Variants in CPNE2 observed in about 807,000 individuals in gnomAD.
CPNE2 encodes copine-2.
CPNE2 carries 42 observed loss-of-function variants against 69.7 expected under a neutral mutation model. The ratio of observed to expected loss-of-function variants is 0.60; its 90% CI spans 0.47 to 0.78. The LOEUF is 0.78. Among genes scored for constraint, CPNE2 ranks in the 30% least tolerant of loss-of-function variants. CPNE2 has a pLI of 0.00. For synonymous variants in CPNE2, 294 were observed against 289.8 expected (o/e 1.01, Z -0.15); for missense variants, 587 against 732.0 (o/e 0.80, Z 2.29).
At chr16:57,094,074 C>T (rs778148063) in intron 1 of CPNE2, 10 of 456,614 alleles carry the variant, frequency 2.2e-5, no homozygotes, top group Non-Finnish European at 3.5e-5. Flanking sequence ...TATGGCATTC[C>T]GCCTGGCATA....
chr16:57,128,868 T>C (rs1374075125), intron 12 of CPNE2, among the ~76,000 whole-genome samples: 2 of 152,220 alleles, frequency 1.3e-5, no homozygotes, highest in African/African-American at 4.8e-5. Context: ...TTTTTTGTTT[T>C]CTGTTTCTGA....
intron 1 of CPNE2, among the ~76,000 whole-genome samples, chr16:57,096,799 G>A (rs971919302): frequency 6.6e-6 from 1 of 151,956 alleles, no homozygotes; most frequent in Non-Finnish European, 1.5e-5. Flanking sequence ...GTGTTTTAGA[G>A]AGGGGACAGC....
chr16:57,123,538 G>T, intron 10 of CPNE2, 65 bp downstream of exon 10: 1 of 1,542,544 alleles, frequency 6.5e-7, no homozygotes, highest in Admixed American at 1.7e-5. Flanking sequence ...CTGAAGACTT[G>T]GGCCACTAGT....
At chr16:57,093,282 T>G (rs1439314344) in intron 1 of CPNE2, among the ~76,000 whole-genome samples, 2 of 145,752 alleles carry the variant, frequency 1.4e-5, no homozygotes, top group African/African-American at 5.0e-5. Context: ...GCCCCGGTAC[T>G]GGGAGCGCAG....
chr16:57,114,496 G>A (rs1426807344), intron 3 of CPNE2, among the ~76,000 whole-genome samples: 2 of 152,186 alleles, frequency 1.3e-5, no homozygotes, highest in Admixed American at 6.5e-5. Flanking sequence ...CCCCCAACTG[G>A]CTGAACCTCT....
chr16:57,098,276 C>G (rs1281997507), intron 1 of CPNE2, among the ~76,000 whole-genome samples: 3 of 152,228 alleles, frequency 2.0e-5, no homozygotes, highest in Non-Finnish European at 4.4e-5. Context: ...TATTTATCCC[C>G]GTAATGGCCT....
At chr16:57,143,611 T>C (rs2069937669) in intron 14 of CPNE2, 1 of 152,514 alleles carries the variant, frequency 6.6e-6, no homozygotes, top group Admixed American at 6.5e-5. Flanking sequence ...ATCACCTCTC[T>C]GAGCTCCACT....
chr16:57,115,727 T>TG (rs2069714368), intron 4 of CPNE2, among the ~76,000 whole-genome samples, 177 bp downstream of exon 4: 2 of 152,184 alleles, frequency 1.3e-5, no homozygotes, highest in Admixed American at 6.5e-5. Context: ...AATGATGCAG[T>TG]GGGGGCTGAC....
chr16:57,103,715 GC>G (rs1389540021), intron 1 of CPNE2, among the ~76,000 whole-genome samples: 1 of 152,066 alleles, frequency 6.6e-6, no homozygotes, highest in African/African-American at 2.4e-5. Context: ...CCCCCACCCA[GC>G]CGGCCCAGCA....
chr16:57,113,335 C>T lies in CPNE2; in HGVS notation c.228C>T (p.Ser76=). 2 of 1,614,202 alleles carry T rather than the reference C, an allele frequency of 1.2e-6. No homozygotes were observed. The highest frequency in any genetic ancestry group is 1.7e-6 in the Non-Finnish European group (2 of 1,180,028). ...TCAACAACCTCAACCCCGCCTTCTC[C>T]AAGAAGTTCGTGCTTGACTACCACT... The part of the protein sequence containing the change: ...TAINNLNPAF[S]KKFVLDYHFE... Residue 76 remains serine, a synonymous_variant, in exon 3 of 16, where the codon TCC becomes TCT. Transcript: ENST00000290776.
In CPNE2 at chr16:57,146,270, G is replaced by A. The variant is rs1394715428; in HGVS notation, c.1488G>A (p.Glu496=). The part of the protein sequence containing the change: ...DSRMLRSHTG[E]EAARDIVQFV... ...GCATGCTGCGCTCCCACACGGGGGAGGAGGCAGCCCGCGATATTGTGCAGT... is the reference window on the plus strand; with the variant it reads ...GCATGCTGCGCTCCCACACGGGGGAAGAGGCAGCCCGCGATATTGTGCAGT... The change falls in exon 15 of 16, where the codon GAG becomes GAA. Residue 496 remains glutamate, a synonymous_variant. Transcript: ENST00000290776. The surrounding 1 kb of genome is among the most constrained non-coding windows in gnomAD (Gnocchi z 4.4). 3.2e-6 allele frequency: 5 copies of A among 1,556,580 alleles called. No individual in the cohort carries two copies. Among genetic ancestry groups the A allele is most frequent in the African/African-American group, 1.4e-5 (1 of 73,352 alleles).
intron 14 of CPNE2, among the ~76,000 whole-genome samples, chr16:57,138,697 A>C (rs1182152840): frequency 6.6e-6 from 1 of 151,898 alleles, no homozygotes; most frequent in East Asian, 1.9e-4. Flanking sequence ...TTCCTGGCTG[A>C]CCCTGATGAT....
chr16:57,142,281 G>A (rs2069927876), intron 14 of CPNE2: 2 of 152,360 alleles, frequency 1.3e-5, no homozygotes, highest in African/African-American at 4.8e-5. Context: ...GGAGGGCTCA[G>A]GAAAGGCTTT....
chr16:57,117,144 G>A (rs1215209692), intron 4 of CPNE2, among the ~76,000 whole-genome samples: 5 of 152,082 alleles, frequency 3.3e-5, no homozygotes, highest in African/African-American at 1.2e-4. Context: ...GGCTGCCGCA[G>A]GGGCAGGAGA....
chr16:57,125,095 G>C (rs917585774), intron 10 of CPNE2: 1 of 327,092 alleles, frequency 3.1e-6, no homozygotes, highest in East Asian at 7.7e-5. Flanking sequence ...TCTTCCCCGG[G>C]GTCCTACTTC....
chr16:57,097,072 A>G (rs573785131), intron 1 of CPNE2, among the ~76,000 whole-genome samples: 2 of 152,180 alleles, frequency 1.3e-5, no homozygotes, highest in African/African-American at 2.4e-5. Context: ...GGCACCAGCT[A>G]TGGCTGGGAT....
intron 1 of CPNE2, among the ~76,000 whole-genome samples, chr16:57,106,433 C>T (rs967941435): frequency 6.6e-6 from 1 of 151,974 alleles, no homozygotes; most frequent in South Asian, 2.1e-4. Context: ...GGCAGAGGGG[C>T]GGGGGTAGGG....
chr16:57,141,899 G>A (rs1167708593), intron 14 of CPNE2: 1 of 152,232 alleles, frequency 6.6e-6, no homozygotes, highest in African/African-American at 2.4e-5. Flanking sequence ...AAAGCAAAAG[G>A]AAGTCATTTA....
At chr16:57,107,984 C>T (rs1002454821) in intron 1 of CPNE2, among the ~76,000 whole-genome samples, 2 of 151,754 alleles carry the variant, frequency 1.3e-5, no homozygotes, top group Non-Finnish European at 2.9e-5. Flanking sequence ...AATTCTCCTG[C>T]CTCAGTCTCC....
Sources: allele counts gnomAD v4.1 joint callset (sites outside exome capture counted in the v4.1 genomes callset), GRCh38; gene constraint gnomAD v4.1.1; non-coding constraint Gnocchi (gnomAD v3.1); transcripts MANE v1.5; gene names NCBI Gene and HGNC (gene_info 2026-07-23, HGNC 2026-07-21).